YWHAE: variants seen among roughly 807,000 people sequenced by gnomAD.
The protein encoded by YWHAE is tyrosine 3-monooxygenase/tryptophan 5-monooxygenase activation protein epsilon, also known as 14-3-3 protein epsilon.
YWHAE carries 4 observed loss-of-function variants against 30.1 expected under a neutral mutation model. The observed-to-expected ratio is 0.13, with a 90% CI of 0.07 to 0.30. YWHAE has a LOEUF of 0.30. Ranked by LOEUF, YWHAE falls within the 10% of genes least tolerant of loss-of-function variation. The probability of loss-of-function intolerance (pLI) is 1.00; values close to 1 mark genes in which losing one functional copy is unlikely to be tolerated. For synonymous variants in YWHAE, 118 were observed against 111.8 expected (o/e 1.06, Z -0.35); for missense variants, 121 against 315.9 (o/e 0.38, Z 4.68).
chr17:1,373,221 C>T (rs2073067703), intron 1 of YWHAE, among the ~76,000 whole-genome samples: 1 of 151,818 alleles, frequency 6.6e-6, no homozygotes, highest in African/African-American at 2.4e-5. Flanking sequence ...CCAACCTAAG[C>T]AACAAGAGCG....
chr17:1,366,412 C>G (rs1310316335), intron 1 of YWHAE, among the ~76,000 whole-genome samples: 1 of 151,472 alleles, frequency 6.6e-6, no homozygotes, highest in Non-Finnish European at 1.5e-5. Flanking sequence ...GTGGTGCGCG[C>G]CTGTAATTAC....
At chr17:1,400,002 C>G (rs1452230635) in intron 1 of YWHAE, 45 bp downstream of exon 1, 6 of 1,610,572 alleles carry the variant, frequency 3.7e-6, no homozygotes, top group Non-Finnish European at 5.1e-6. Flanking sequence ...TGGGCGGCGG[C>G]AGAGGGTCCG....
chr17:1,350,844 G>C (rs1473767925), intron 5 of YWHAE, among the ~76,000 whole-genome samples: 2 of 151,908 alleles, frequency 1.3e-5, no homozygotes, highest in Admixed American at 6.6e-5. Flanking sequence ...TGGACCACGA[G>C]GTCAGGAGTT....
chr17:1,391,022 T>TGTATGTA (rs994000120), intron 1 of YWHAE, among the ~76,000 whole-genome samples: 58 of 152,260 alleles, frequency 3.8e-4, no homozygotes, highest in African/African-American at 1.4e-3. Context: ...AAAAATAAAA[T>TGTATGTA]GTATGTAGGG....
At chr17:1,385,520 G>A (rs1012135831) in intron 1 of YWHAE, among the ~76,000 whole-genome samples, 1 of 152,172 alleles carries the variant, frequency 6.6e-6, no homozygotes, top group Non-Finnish European at 1.5e-5. Flanking sequence ...TGTGGCACCA[G>A]GGACCAGTTT....
At chr17:1,364,802 C>G in intron 2 of YWHAE, 57 bp downstream of exon 2, 1 of 1,591,676 alleles carries the variant, frequency 6.3e-7, no homozygotes, top group Non-Finnish European at 8.6e-7. Flanking sequence ...TTAAGTGTAC[C>G]GTCCTACAGG....
intron 5 of YWHAE, among the ~76,000 whole-genome samples, 198 bp from the exon 6 acceptor site, chr17:1,345,697 T>C (rs1047358267): frequency 1.3e-5 from 2 of 152,124 alleles, no homozygotes; most frequent in East Asian, 1.9e-4. Flanking sequence ...AAAGTATTTA[T>C]TGGTCAACAG....
At chr17:1,359,363 T>A (rs71357192) in intron 4 of YWHAE, among the ~76,000 whole-genome samples, 4,821 of 151,244 alleles carry the variant, frequency 0.032, 89 homozygotes, top group Middle Eastern at 0.041. Flanking sequence ...AAGGTGAAGT[T>A]AAATACAAGG....
intron 2 of YWHAE, among the ~76,000 whole-genome samples, chr17:1,364,250 A>G (rs2072908688): frequency 6.7e-6 from 1 of 148,988 alleles, no homozygotes. Context: ...TTTTAGATGG[A>G]GTCTCGCGCT....
intron 1 of YWHAE, among the ~76,000 whole-genome samples, chr17:1,394,383 T>G (rs1321694960): frequency 8.0e-6 from 1 of 125,360 alleles, no homozygotes; most frequent in Non-Finnish European, 1.6e-5. Flanking sequence ...GAGGCCAAGG[T>G]GGGAGTCCAG....
intron 1 of YWHAE, among the ~76,000 whole-genome samples, chr17:1,387,649 A>G (rs2073318961): frequency 6.6e-6 from 1 of 151,770 alleles, no homozygotes; most frequent in South Asian, 2.1e-4. Context: ...GCGGGGATGG[A>G]GTCTTACTGT....
At chr17:1,368,430 G>A (rs1217388557) in intron 1 of YWHAE, among the ~76,000 whole-genome samples, 1 of 151,852 alleles carries the variant, frequency 6.6e-6, no homozygotes, top group Non-Finnish European at 1.5e-5. Context: ...CAGGCATGGT[G>A]GCAGGCATCT....
chr17:1,366,635 G>A (rs1402331678), intron 1 of YWHAE, among the ~76,000 whole-genome samples: 2 of 152,010 alleles, frequency 1.3e-5, no homozygotes, highest in South Asian at 2.1e-4. Context: ...GAAAGAGATG[G>A]TGACTTCATA....
Position 1,344,676 on chromosome 17 carries a change from A to G in YWHAE, c.*771T>C. On this transcript the variant is annotated 3_prime_UTR_variant, in exon 6 of 6. Coordinates refer to ENST00000264335, the MANE Select transcript of YWHAE (RefSeq NM_006761.5). ...AGTACAAATTAGCTTCAAGTTACAC[A>G]TACTGAACAAAAGAGGTTGAGCGAG... 4.3e-6 allele frequency: 1 copy of G among 230,902 alleles called. No homozygotes were observed. The highest frequency in any genetic ancestry group is 8.6e-6 in the Non-Finnish European group (1 of 116,300). 14.3% of individuals were successfully genotyped at this position (230,902 alleles called of 1,614,324 possible).
chr17:1,363,332 G>A (rs1012383325), intron 2 of YWHAE, among the ~76,000 whole-genome samples: 11 of 152,030 alleles, frequency 7.2e-5, no homozygotes, highest in African/African-American at 2.2e-4. Context: ...GTGGCTCGAC[G>A]TTGGCTCATT....
intron 1 of YWHAE, among the ~76,000 whole-genome samples, chr17:1,394,419 T>A (rs193237905): frequency 1.1e-5 from 1 of 88,322 alleles, no homozygotes; most frequent in African/African-American, 5.5e-5. Flanking sequence ...CTGGGCAACA[T>A]AGAGACCTCA....
rs112958220 is a variant in YWHAE, at chr17:1,374,786, T to C, written c.65-9728A>G. Reference sequence around the variant, plus strand: ...AATATTTAATTATTTGTCTTTTCATTATTGGTATGTAGGAGTTGTTCATTT... The same window carrying C: ...AATATTTAATTATTTGTCTTTTCATCATTGGTATGTAGGAGTTGTTCATTT... On this transcript the variant is annotated intron_variant, in intron 1 of 5. Transcript: ENST00000264335. Among the ~76,000 whole-genome samples, 66 of 152,338 alleles carry C rather than the reference T, an allele frequency of 4.3e-4. 3 individuals carry two copies. In the South Asian group the frequency reaches 6.4e-3, roughly 15 times the overall value.
chr17:1,350,296 G>A (rs532490410), intron 5 of YWHAE, among the ~76,000 whole-genome samples: 36 of 152,120 alleles, frequency 2.4e-4, no homozygotes, highest in South Asian at 2.3e-3. Context: ...AACTGTACTC[G>A]ACAACCAAGA....
intron 4 of YWHAE, among the ~76,000 whole-genome samples, chr17:1,354,982 T>TTTG (rs1221586348): frequency 3.2e-5 from 3 of 94,768 alleles, no homozygotes; most frequent in Non-Finnish European, 6.2e-5. Flanking sequence ...TTTTTTTTTT[T>TTTG]TTTTTTTTTT....
Sources: gnomAD v4.1 joint callset for allele counts (sites outside exome capture counted in the v4.1 genomes callset) on GRCh38, gnomAD v4.1.1 for gene constraint, MANE v1.5 for transcripts, NCBI Gene and HGNC (gene_info 2026-07-23, HGNC 2026-07-21) for gene names.